The following TNIP3 variants were observed in gnomAD, a reference collection of about 807,000 sequenced individuals.
The protein encoded by TNIP3 is TNFAIP3 interacting protein 3.
Under a neutral mutation model 54.1 loss-of-function variants are expected in TNIP3, and 34 were observed. The observed-to-expected ratio is 0.63, with a 90% CI of 0.48 to 0.84. TNIP3 has a LOEUF of 0.84. Ranked by LOEUF, TNIP3 falls within the 40% of genes least tolerant of loss-of-function variation. The probability of loss-of-function intolerance (pLI) is 0.00; values close to 1 mark genes in which losing one functional copy is unlikely to be tolerated. For synonymous variants in TNIP3, 134 were observed against 136.8 expected (o/e 0.98, Z 0.14); for missense variants, 366 against 387.6 (o/e 0.94, Z 0.47).
At chr4:121,140,599 G>A (rs1412327962) in intron 9 of TNIP3, among the ~76,000 whole-genome samples, 2 of 152,074 alleles carry the variant, frequency 1.3e-5, no homozygotes, top group Non-Finnish European at 2.9e-5. Flanking sequence ...CCTTTCATAA[G>A]AATATTTCTC....
intron 1 of TNIP3, among the ~76,000 whole-genome samples, chr4:121,224,289 G>A (rs1046400442): frequency 2.0e-5 from 3 of 151,998 alleles, no homozygotes; most frequent in African/African-American, 7.3e-5. Context: ...CTTGAACCCA[G>A]GAGGCAGAGG....
intron 7 of TNIP3, among the ~76,000 whole-genome samples, chr4:121,145,860 T>A (rs1421190604): frequency 6.6e-6 from 1 of 151,522 alleles, no homozygotes; most frequent in East Asian, 1.9e-4. Flanking sequence ...TACAAAAAAA[T>A]TAGCTACTTG....
At chr4:121,206,027 C>T (rs1224586778) in intron 2 of TNIP3, among the ~76,000 whole-genome samples, 1 of 152,114 alleles carries the variant, frequency 6.6e-6, no homozygotes, top group African/African-American at 2.4e-5. Context: ...CTCTTGAGAA[C>T]TCACTCAAAA....
At chr4:121,221,012 C>T (rs1450551124), upstream of TNIP3, among the ~76,000 whole-genome samples, 2 of 152,060 alleles carry the variant, frequency 1.3e-5, no homozygotes, top group Non-Finnish European at 2.9e-5. Flanking sequence ...TTAAAAAAAT[C>T]AATGAGAACA....
At chr4:121,194,036 T>G (rs534901792) in intron 2 of TNIP3, among the ~76,000 whole-genome samples, 1 of 152,142 alleles carries the variant, frequency 6.6e-6, no homozygotes, top group African/African-American at 2.4e-5. Flanking sequence ...GATTGGAGCC[T>G]TTTTTATGCA....
chr4:121,175,969 A>C (rs1724303141), intron 3 of TNIP3, among the ~76,000 whole-genome samples: 1 of 152,218 alleles, frequency 6.6e-6, no homozygotes, highest in Non-Finnish European at 1.5e-5. Context: ...CCTTATCTGG[A>C]TGTATGCCTG....
At chr4:121,149,794 T>A (rs1729636381) in intron 6 of TNIP3, among the ~76,000 whole-genome samples, 1 of 152,014 alleles carries the variant, frequency 6.6e-6, no homozygotes, top group Admixed American at 6.6e-5. Flanking sequence ...CATGTCTACG[T>A]GAAACTCCCT....
At chr4:121,161,784 A>G (rs940363672) in intron 1 of TNIP3, among the ~76,000 whole-genome samples, 1 of 152,176 alleles carries the variant, frequency 6.6e-6, no homozygotes, top group Non-Finnish European at 1.5e-5. Context: ...TCACTAGGTT[A>G]CTAGTTTAGA....
At chr4:121,197,997 T>G (rs966206130) in intron 2 of TNIP3, among the ~76,000 whole-genome samples, 9 of 152,220 alleles carry the variant, frequency 5.9e-5, no homozygotes, top group African/African-American at 2.2e-4. Flanking sequence ...AAGGCAATTT[T>G]AAATATTGAG....
chr4:121,224,861 A>G (rs373179519), intron 1 of TNIP3, among the ~76,000 whole-genome samples: 1 of 152,126 alleles, frequency 6.6e-6, no homozygotes, highest in East Asian at 1.9e-4. Flanking sequence ...AGTTTGGGGG[A>G]AAATGACAAC....
At chr4:121,189,840 A>G (rs1443826412) in intron 2 of TNIP3, among the ~76,000 whole-genome samples, 1 of 152,172 alleles carries the variant, frequency 6.6e-6, no homozygotes, top group Non-Finnish European at 1.5e-5. Flanking sequence ...TGTTGCCCTC[A>G]ATCTGCATTC....
intron 5 of TNIP3, 170 bp downstream of exon 5, chr4:121,154,381 A>G: frequency 1.2e-6 from 1 of 815,802 alleles, no homozygotes. Context: ...TTAGCCAAGT[A>G]TGACTGAAAG....
At chr4:121,132,968 G>A (rs1728564075) in intron 10 of TNIP3, among the ~76,000 whole-genome samples, 2 of 152,120 alleles carry the variant, frequency 1.3e-5, no homozygotes, top group South Asian at 4.1e-4. Context: ...GCATGTGAAA[G>A]TAAGTCATAT....
intron 10 of TNIP3, 84 bp from the exon 11 acceptor site, chr4:121,132,746 C>T: frequency 1.6e-6 from 2 of 1,224,494 alleles, no homozygotes; most frequent in Non-Finnish European, 2.3e-6. Context: ...ACATAAAGTT[C>T]CAGGATGGCA....
chr4:121,133,056 G>A (rs1728569990), intron 10 of TNIP3, among the ~76,000 whole-genome samples: 1 of 152,100 alleles, frequency 6.6e-6, no homozygotes. Flanking sequence ...ATATGGTACT[G>A]GGTACATTAT....
chr4:121,157,272 G>T, intron 3 of TNIP3, 29 bp from the exon 4 acceptor site: 1 of 1,613,872 alleles, frequency 6.2e-7, no homozygotes, highest in Non-Finnish European at 8.5e-7. Flanking sequence ...GACAGCTGCA[G>T]ATACCTTCTC....
At chr4:121,215,891 A>AG (rs1486729619) in intron 2 of TNIP3, among the ~76,000 whole-genome samples, 1 of 151,950 alleles carries the variant, frequency 6.6e-6, no homozygotes, top group Non-Finnish European at 1.5e-5. Flanking sequence ...AAAAAAAAAA[A>AG]AAAAGAAATA....
intron 2 of TNIP3, among the ~76,000 whole-genome samples, chr4:121,191,281 T>G (rs1201465941): frequency 6.6e-6 from 1 of 152,222 alleles, no homozygotes; most frequent in Non-Finnish European, 1.5e-5. Flanking sequence ...GAAGAAAAAC[T>G]TGGCACTTGA....
At chr4:121,218,998 G>C (rs1419646252), upstream of TNIP3, among the ~76,000 whole-genome samples, 2 of 152,138 alleles carry the variant, frequency 1.3e-5, no homozygotes, top group African/African-American at 4.8e-5. Context: ...TCAGGAGTTC[G>C]AGACCAGCCT....
Sources: gnomAD v4.1 joint callset for allele counts (sites outside exome capture counted in the v4.1 genomes callset) on GRCh38, gnomAD v4.1.1 for gene constraint, MANE v1.5 for transcripts, NCBI Gene and HGNC (gene_info 2026-07-23, HGNC 2026-07-21) for gene names.